The following CERKL variants were observed in gnomAD, a reference collection of about 807,000 sequenced individuals.
CERKL encodes the protein CERK like autophagy regulator, also known as ceramide kinase-like protein.
CERKL carries 61 observed loss-of-function variants against 63.4 expected under a neutral mutation model. That is an observed-to-expected ratio of 0.96 (90% CI 0.78 to 1.19). The LOEUF is 1.19. Among genes scored for constraint, CERKL ranks in the 50% most tolerant of loss-of-function variants. The probability of loss-of-function intolerance (pLI) is 0.00; values close to 1 mark genes in which losing one functional copy is unlikely to be tolerated. For synonymous variants in CERKL, 250 were observed against 230.5 expected (o/e 1.08, Z -0.77); for missense variants, 675 against 655.5 (o/e 1.03, Z -0.33).
At chr2:181,599,255 G>GC (rs1332727678) in intron 2 of CERKL, among the ~76,000 whole-genome samples, 2 of 152,074 alleles carry the variant, frequency 1.3e-5, no homozygotes, top group Non-Finnish European at 2.9e-5. Context: ...TTGGAAGCAG[G>GC]CCAGGCATGG....
intron 1 of CERKL, among the ~76,000 whole-genome samples, chr2:181,631,967 TA>T (rs1209820471): frequency 6.6e-6 from 1 of 152,220 alleles, no homozygotes; most frequent in Non-Finnish European, 1.5e-5. Context: ...TATATAGTAC[TA>T]AATTTAGTAT....
intron 2 of CERKL, among the ~76,000 whole-genome samples, chr2:181,599,901 C>T (rs993634380): frequency 1.3e-5 from 2 of 152,128 alleles, no homozygotes; most frequent in Non-Finnish European, 2.9e-5. Flanking sequence ...TATAGTCCAT[C>T]AGACTATGCA....
chr2:181,573,749 T>G lies in CERKL; in HGVS notation c.613+4A>C. 6.2e-7 allele frequency: 1 copy of G among 1,611,312 alleles called. No homozygotes were observed. Among genetic ancestry groups the G allele is most frequent in the Non-Finnish European group, 8.5e-7 (1 of 1,178,046 alleles). ...GGTGAAATTATATTCTGAAAATTAC[T>G]TACTTGTTACATCAGTTTTTATTCC... On this transcript the variant is annotated splice_donor_region_variant and intron_variant, in intron 3 of 12. Transcript: ENST00000410087.
Position 181,537,207 on chromosome 2 carries a change from T to G in CERKL, c.*977A>C. ...TCATAGATGAAAAATCAAGCCCCGA[T>G]TTAGAACTGTCTTCTCCAGGATGGT... On this transcript the variant is annotated 3_prime_UTR_variant, in exon 13 of 13. Coordinates refer to ENST00000410087, the MANE Select transcript of CERKL (RefSeq NM_201548.5). 2.2e-6 allele frequency: 1 copy of G among 453,120 alleles called. No homozygotes were observed. Among genetic ancestry groups the G allele is most frequent in the South Asian group, 1.6e-5 (1 of 64,464 alleles). The allele number at this position is 453,120 out of a possible 1,614,324, so 28.1% of individuals were successfully genotyped here.
intron 12 of CERKL, 42 bp from the exon 13 acceptor site, chr2:181,538,286 T>A: frequency 1.7e-6 from 2 of 1,201,980 alleles, no homozygotes; most frequent in South Asian, 2.4e-5. Flanking sequence ...ATTTTGTTGT[T>A]TTTCACATAC....
At chr2:181,590,006 G>A (rs1401524343) in intron 2 of CERKL, among the ~76,000 whole-genome samples, 5 of 151,490 alleles carry the variant, frequency 3.3e-5, no homozygotes, top group Non-Finnish European at 7.4e-5. Context: ...TTTTGGTAGA[G>A]AGAGGTTTTT....
intron 1 of CERKL, among the ~76,000 whole-genome samples, chr2:181,641,302 C>CATATAT (rs1174454591): frequency 3.8e-4 from 37 of 97,068 alleles, no homozygotes; most frequent in African/African-American, 9.3e-4. Flanking sequence ...TATGTGTATG[C>CATATAT]ATATATATAT....
At chr2:181,545,668 G>C (rs1180161153) in intron 10 of CERKL, among the ~76,000 whole-genome samples, 1 of 152,144 alleles carries the variant, frequency 6.6e-6, no homozygotes, top group African/African-American at 2.4e-5. Context: ...AAGGCACACA[G>C]AGAAAAAATG....
intron 3 of CERKL, among the ~76,000 whole-genome samples, chr2:181,572,097 A>AC (rs1465450614): frequency 6.6e-6 from 1 of 152,110 alleles, no homozygotes; most frequent in Non-Finnish European, 1.5e-5. Context: ...GGACTCTCTC[A>AC]CATACACACA....
At chr2:181,544,826 A>T in intron 10 of CERKL, 30 bp from the exon 11 acceptor site, 1 of 1,373,592 alleles carries the variant, frequency 7.3e-7, no homozygotes, top group East Asian at 2.3e-5. Context: ...TTAGACATCA[A>T]GAAATTTACT....
Position 181,589,769 on chromosome 2 carries a change from C to CA in CERKL, c.481+14067dup, listed in dbSNP as rs559368352. On this transcript the variant is annotated intron_variant, in intron 2 of 12. Coordinates refer to ENST00000410087, the MANE Select transcript of CERKL (RefSeq NM_201548.5). ...GTGTAAAGAAAGTCTTACTACAATGCAAAAGCCAGAGCCAATAAAGAAAAA... is the reference window on the plus strand; with the variant it reads ...GTGTAAAGAAAGTCTTACTACAATGCAAAAAGCCAGAGCCAATAAAGAAAAA... 6.5e-3 allele frequency among the ~76,000 whole-genome samples: 984 copies of CA among 152,216 alleles called. 4 individuals are homozygous for CA. Among genetic ancestry groups the CA allele is most frequent in the Middle Eastern group, 0.02 (6 of 294 alleles).
chr2:181,573,923 GTCA>G (rs1559084571), intron 2 of CERKL, 39 bp from the exon 3 acceptor site: 9 of 1,599,274 alleles, frequency 5.6e-6, no homozygotes, highest in Non-Finnish European at 7.7e-6. Flanking sequence ...TAAAGTCCTT[GTCA>G]TCATTTTTTT....
chr2:181,558,071 A>G lies in CERKL; in HGVS notation c.820+495T>C, dbSNP rs993617880. Among the ~76,000 whole-genome samples the G allele has an allele frequency of 9.9e-5, 15 of 152,150 alleles. No individual in the cohort carries two copies. Among genetic ancestry groups the G allele is most frequent in the African/African-American group, 3.6e-4 (15 of 41,442 alleles). ...TGCCCTTAAGAATCTCACCCTTCCAAACCTTATCCTCCCTTCCAGTCACAA... is the reference window on the plus strand; with the variant it reads ...TGCCCTTAAGAATCTCACCCTTCCAGACCTTATCCTCCCTTCCAGTCACAA... On this transcript the variant is annotated intron_variant, in intron 5 of 12. Coordinates refer to ENST00000410087, the MANE Select transcript of CERKL (RefSeq NM_201548.5). The surrounding 1 kb of genome is among the most constrained non-coding windows in gnomAD (Gnocchi z 4.2).
At chr2:181,580,621 T>C (rs1178713959) in intron 2 of CERKL, among the ~76,000 whole-genome samples, 3 of 152,182 alleles carry the variant, frequency 2.0e-5, no homozygotes, top group African/African-American at 7.2e-5. Flanking sequence ...CATGTAGGCT[T>C]TAAAATGTGA....
intron 1 of CERKL, among the ~76,000 whole-genome samples, chr2:181,651,168 C>T (rs1464604921): frequency 6.6e-6 from 1 of 152,208 alleles, no homozygotes; most frequent in East Asian, 1.9e-4. Flanking sequence ...TACTTCCAAA[C>T]TCATTTCATG....
At chr2:181,587,972 T>G (rs1314380470) in intron 2 of CERKL, among the ~76,000 whole-genome samples, 1 of 152,172 alleles carries the variant, frequency 6.6e-6, no homozygotes, top group African/African-American at 2.4e-5. Flanking sequence ...GAAGACCAAT[T>G]AGAGAGTTTA....
intron 1 of CERKL, among the ~76,000 whole-genome samples, chr2:181,624,149 A>G (rs1686577970): frequency 6.6e-6 from 1 of 152,148 alleles, no homozygotes; most frequent in South Asian, 2.1e-4. Flanking sequence ...CAAGTAGCCC[A>G]TGTAGGGTAA....
rs754384634 is a variant in CERKL, at chr2:181,656,929, G to A, written c.78C>T (p.Ala26=). The A allele has an allele frequency of 2.0e-5, 32 of 1,592,240 alleles. No individual in the cohort carries two copies. The highest frequency in any genetic ancestry group is 2.6e-5 in the Non-Finnish European group (30 of 1,168,228). The change falls in exon 1 of 13, where the codon GCC becomes GCT. Residue 26 remains alanine, a synonymous_variant. Coordinates refer to ENST00000410087, the MANE Select transcript of CERKL (RefSeq NM_201548.5). ...GREEEAPPEA[A]AVPPALLTSP... is the part of the protein sequence containing the mutation. ...ACGTTAACAGCGCCGGAGGCACAGC[G>A]GCAGCCTCCGGGGGCGCCTCTTCCT...
intron 1 of CERKL, among the ~76,000 whole-genome samples, chr2:181,646,915 G>A (rs1248927387): frequency 6.6e-6 from 1 of 152,128 alleles, no homozygotes; most frequent in Non-Finnish European, 1.5e-5. Flanking sequence ...AATTTTTCTA[G>A]GAGATTATCA....
Sources: allele counts gnomAD v4.1 joint callset (sites outside exome capture counted in the v4.1 genomes callset), GRCh38; gene constraint gnomAD v4.1.1; non-coding constraint Gnocchi (gnomAD v3.1); transcripts MANE v1.5; gene names NCBI Gene and HGNC (gene_info 2026-07-23, HGNC 2026-07-21).